The following KCNMA1 variants were observed in gnomAD, a reference collection of about 807,000 sequenced individuals.
KCNMA1 encodes potassium calcium-activated channel subfamily M alpha 1.
A neutral mutation model predicts 140.0 loss-of-function variants in KCNMA1; 29 were observed. The observed-to-expected ratio is 0.21, with a 90% CI of 0.15 to 0.28. KCNMA1 has a LOEUF of 0.28. Ranked by LOEUF, KCNMA1 falls within the 10% of genes least tolerant of loss-of-function variation. KCNMA1 has a pLI of 1.00. For missense variants in KCNMA1, 880 were observed against 1,602.2 expected (o/e 0.55, Z 7.70); for synonymous variants, 612 against 611.9 (o/e 1.00, Z 0.00).
intron 21 of KCNMA1, chr10:76,952,259 G>C (rs956860108): frequency 1.5e-6 from 2 of 1,339,832 alleles, no homozygotes; most frequent in Admixed American, 2.4e-5. Context: ...AGTGACTCAC[G>C]CCTGTAATCC....
intron 1 of KCNMA1, 48 bp downstream of exon 1, chr10:77,637,217 G>A (rs1391562197): frequency 5.9e-6 from 9 of 1,519,536 alleles, no homozygotes; most frequent in Non-Finnish European, 6.3e-6. Context: ...GGGACGCCGA[G>A]AAGCGGTGGG....
At chr10:77,633,696 G>A (rs11598241) in intron 1 of KCNMA1, among the ~76,000 whole-genome samples, 5,366 of 152,230 alleles carry the variant, frequency 0.035, 112 homozygotes, top group Non-Finnish European at 0.046. Context: ...ACAACATCTC[G>A]ATAATTCATT....
chr10:77,359,626 T>C (rs2093779662), intron 2 of KCNMA1, among the ~76,000 whole-genome samples: 1 of 152,188 alleles, frequency 6.6e-6, no homozygotes. Context: ...GGAGCCTGTG[T>C]GGCCTCATTC....
intron 2 of KCNMA1, among the ~76,000 whole-genome samples, chr10:77,272,270 A>G (rs1377961698): frequency 6.6e-6 from 1 of 152,232 alleles, no homozygotes; most frequent in Non-Finnish European, 1.5e-5. Flanking sequence ...CCTAGAACAC[A>G]GTACATGCTT....
chr10:77,186,588 T>C (rs1482997087), intron 3 of KCNMA1, among the ~76,000 whole-genome samples: 2 of 152,152 alleles, frequency 1.3e-5, no homozygotes, highest in Admixed American at 6.5e-5. Flanking sequence ...GTGATACTTC[T>C]GCAATTCTCA....
chr10:77,629,687 TA>T (rs34425231), intron 1 of KCNMA1, among the ~76,000 whole-genome samples: 1 of 152,194 alleles, frequency 6.6e-6, no homozygotes, highest in African/African-American at 2.4e-5. Flanking sequence ...CAAGTACTAA[TA>T]AAAGCCCTAA....
rs534624219 is a variant in KCNMA1 at position 77,437,652 on chromosome 10, T to C, written c.379-33629A>G. Among the ~76,000 whole-genome samples the C allele has an allele frequency of 8.5e-5, 13 of 152,218 alleles. No homozygotes were observed. The South Asian group carries it at 1.2e-3, about 15-fold the overall frequency. On this transcript the variant is annotated intron_variant, in intron 1 of 27. Transcript: ENST00000286628. The stretch of plus-strand genomic sequence containing the variant: ...CCCTGAGAGCCACAACCAAGACCCA[T>C]TGGACCAAGCTTCTGAATTTCACAG...
intron 2 of KCNMA1, among the ~76,000 whole-genome samples, chr10:77,327,930 G>C (rs969764244): frequency 6.6e-6 from 1 of 152,138 alleles, no homozygotes; most frequent in Non-Finnish European, 1.5e-5. Flanking sequence ...AATAGGCTTT[G>C]AGTATAATAA....
chr10:77,292,116 G>A (rs1488227457), intron 2 of KCNMA1, among the ~76,000 whole-genome samples: 1 of 152,212 alleles, frequency 6.6e-6, no homozygotes, highest in African/African-American at 2.4e-5. Flanking sequence ...GCTCATGAAA[G>A]AGGGTTATTT....
Position 77,123,104 on chromosome 10 carries a change from C to T in KCNMA1, c.809-2056G>A, listed in dbSNP as rs192459443. Among the ~76,000 whole-genome samples the T allele has an allele frequency of 8.5e-3, 1,162 of 137,444 alleles. 17 individuals carry two copies. Among genetic ancestry groups the T allele is most frequent in the African/African-American group, 0.03 (1,086 of 36,626 alleles). 90.2% of individuals were successfully genotyped at this position (137,444 alleles called of 152,430 possible). A position where few individuals can be genotyped will look rare whatever the true frequency, so the allele number is the denominator to read the frequency against. ...CTGAGGCAGGAGAATGGCGTGTACC[C>T]GGGAGGCGGAGCTTGCAGTAAGCCG... On this transcript the variant is annotated intron_variant, in intron 5 of 27. Transcript: ENST00000286628.
intron 1 of KCNMA1, among the ~76,000 whole-genome samples, chr10:77,457,693 G>A (rs1390990961): frequency 6.6e-6 from 1 of 151,950 alleles, no homozygotes; most frequent in Non-Finnish European, 1.5e-5. Flanking sequence ...TTTCCTCTGG[G>A]GTCCCTGGTG....
chr10:77,186,649 G>A (rs1364052903), intron 3 of KCNMA1, among the ~76,000 whole-genome samples: 2 of 152,124 alleles, frequency 1.3e-5, no homozygotes, highest in African/African-American at 4.8e-5. Context: ...AAAGGTCCAT[G>A]GGTGTCAGAG....
intron 5 of KCNMA1, among the ~76,000 whole-genome samples, chr10:77,181,309 C>T (rs1303321224): frequency 6.6e-6 from 1 of 152,154 alleles, no homozygotes; most frequent in Non-Finnish European, 1.5e-5. Flanking sequence ...CCACCTCTCC[C>T]CTTCCCCATC....
intron 1 of KCNMA1, among the ~76,000 whole-genome samples, chr10:77,519,495 A>T (rs2051992572): frequency 6.6e-6 from 1 of 151,208 alleles, no homozygotes; most frequent in African/African-American, 2.4e-5. Flanking sequence ...AAGATAATTG[A>T]TTTTTTTTTT....
intron 15 of KCNMA1, among the ~76,000 whole-genome samples, chr10:77,030,158 T>C (rs1290014004): frequency 6.6e-6 from 1 of 152,194 alleles, no homozygotes; most frequent in African/African-American, 2.4e-5. Context: ...TATCCAGGCA[T>C]ATCTGGGATC....
chr10:77,491,880 C>T (rs370606260), intron 1 of KCNMA1, among the ~76,000 whole-genome samples: 3 of 152,180 alleles, frequency 2.0e-5, no homozygotes, highest in African/African-American at 7.2e-5. Context: ...CTGTGACAGG[C>T]ATTTGTGACA....
Position 76,886,363 on chromosome 10 carries a change from G to A in KCNMA1, c.*903C>T. 1 of 984,928 alleles carries A rather than the reference G, an allele frequency of 1.0e-6. No individual in the cohort carries two copies. The highest frequency in any genetic ancestry group is 4.7e-5 in the South Asian group (1 of 21,274). 61.0% of individuals were successfully genotyped at this position (984,928 alleles called of 1,614,324 possible). A position where few individuals can be genotyped will look rare whatever the true frequency, so the allele number is the denominator to read the frequency against. The stretch of plus-strand genomic sequence containing the variant: ...TTAAAAGATGTAAAAGTCCCAGGAA[G>A]GCAGTTTTTAATGACTTACATCTGA... On this transcript the variant is annotated 3_prime_UTR_variant, in exon 28 of 28. Transcript: ENST00000286628.
intron 3 of KCNMA1, among the ~76,000 whole-genome samples, chr10:77,214,357 G>T (rs2047044926): frequency 6.6e-6 from 1 of 152,116 alleles, no homozygotes; most frequent in African/African-American, 2.4e-5. Flanking sequence ...AATCAGGCCA[G>T]TTACACTTTT....
chr10:77,340,147 C>T (rs993030514), intron 2 of KCNMA1, among the ~76,000 whole-genome samples: 1 of 152,188 alleles, frequency 6.6e-6, no homozygotes, highest in Non-Finnish European at 1.5e-5. Context: ...AAATGCAAAT[C>T]AAAACCACAA....
Sources: allele counts gnomAD v4.1 joint callset (sites outside exome capture counted in the v4.1 genomes callset), GRCh38; gene constraint gnomAD v4.1.1; transcripts MANE v1.5; gene names NCBI Gene and HGNC (gene_info 2026-07-23, HGNC 2026-07-21).